Variants in NUP210L observed in about 807,000 individuals in gnomAD.
NUP210L encodes nuclear pore membrane glycoprotein 210-like.
Under a neutral mutation model 208.5 loss-of-function variants are expected in NUP210L, and 74 were observed. That is an observed-to-expected ratio of 0.35 (90% CI 0.29 to 0.43). The LOEUF is 0.43. Among genes scored for constraint, NUP210L ranks in the 20% least tolerant of loss-of-function variants. The pLI is 1.00. For missense variants in NUP210L, 1,843 were observed against 2,289.4 expected, an observed-to-expected ratio of 0.81 and a Z score of 3.98; for synonymous variants, 780 against 816.9, an observed-to-expected ratio of 0.95 and a Z score of 0.77.
exon 34 of NUP210L, chr1:154,012,352 A>C: frequency 6.2e-7 from 1 of 1,613,292 alleles, no homozygotes. Flanking sequence ...ATTAATCTTG[A>C]TGATGCATTG....
intron 33 of NUP210L, among the ~76,000 whole-genome samples, chr1:154,013,880 T>C (rs771775113): frequency 6.6e-6 from 1 of 152,086 alleles, no homozygotes; most frequent in Non-Finnish European, 1.5e-5. Context: ...TTCTCCTGCT[T>C]CAGCCTCCCA....
At chr1:153,993,631 G>A (rs1184901646) in intron 38 of NUP210L, among the ~76,000 whole-genome samples, 6 of 149,016 alleles carry the variant, frequency 4.0e-5, no homozygotes, top group African/African-American at 4.9e-5. Flanking sequence ...TTTTTTTTTA[G>A]GCTGTGTGTG....
At chr1:154,038,014 C>T (rs935345857) in intron 27 of NUP210L, among the ~76,000 whole-genome samples, 3 of 152,142 alleles carry the variant, frequency 2.0e-5, no homozygotes, top group Admixed American at 2.0e-4. Flanking sequence ...TATTCGTTTT[C>T]TGGTTGTTTT....
chr1:154,022,051 CTT>C, intron 32 of NUP210L, 73 bp downstream of exon 32: 2 of 1,185,324 alleles, frequency 1.7e-6, no homozygotes, highest in Non-Finnish European at 2.4e-6. Flanking sequence ...TTAATAACTG[CTT>C]TTTTTTTTAA....
intron 2 of NUP210L, among the ~76,000 whole-genome samples, chr1:154,150,964 T>A (rs1396483612): frequency 3.3e-5 from 5 of 152,100 alleles, no homozygotes; most frequent in Non-Finnish European, 5.9e-5. Context: ...CCACTGGGAA[T>A]CTCATCTATG....
At chr1:154,032,880 T>C (rs146261137) in intron 27 of NUP210L, among the ~76,000 whole-genome samples, 1,717 of 149,944 alleles carry the variant, frequency 0.011, 40 homozygotes, top group African/African-American at 0.04. Context: ...ATCACACCAC[T>C]GCACTCCAGA....
intron 37 of NUP210L, among the ~76,000 whole-genome samples, chr1:153,997,046 C>T (rs1477253609): frequency 6.6e-6 from 1 of 151,944 alleles, no homozygotes; most frequent in African/African-American, 2.4e-5. Context: ...TCACCGCAAC[C>T]TCTGCCTCCC....
intron 16 of NUP210L, among the ~76,000 whole-genome samples, chr1:154,088,893 A>AT (rs1257376654): frequency 2.6e-5 from 4 of 152,082 alleles, no homozygotes; most frequent in African/African-American, 9.7e-5. Context: ...TAACTCATTT[A>AT]TTTTTCATAC....
chr1:154,021,552 AATG>A (rs139852613), intron 32 of NUP210L, among the ~76,000 whole-genome samples: 3,005 of 152,134 alleles, frequency 0.02, 104 homozygotes, highest in African/African-American at 0.068. Context: ...ACCTTATTAC[AATG>A]ATGATATGTT....
chr1:153,995,129 A>G (rs746838066), exon 38 of NUP210L: 32 of 1,614,096 alleles, frequency 2.0e-5, no homozygotes, highest in Non-Finnish European at 2.5e-5. Context: ...CAAGAGCAGG[A>G]TCTGGTAAGA....
At chr1:154,054,239 CAAT>C in exon 25 of NUP210L, 1 of 1,614,148 alleles carries the variant, frequency 6.2e-7, no homozygotes, top group Admixed American at 1.7e-5. Context: ...TGAGAAAACA[CAAT>C]GACTTTGCCA....
At chr1:154,068,477 C>T (rs1452188423) in intron 17 of NUP210L, among the ~76,000 whole-genome samples, 1 of 152,044 alleles carries the variant, frequency 6.6e-6, no homozygotes, top group Non-Finnish European at 1.5e-5. Flanking sequence ...GTCAGGAGAT[C>T]AAGACCATCC....
intron 27 of NUP210L, among the ~76,000 whole-genome samples, chr1:154,036,313 CATGTGTGTGTGTGTGT>C (rs1473885810): frequency 1.7e-4 from 18 of 104,118 alleles, no homozygotes; most frequent in East Asian, 5.5e-4. Flanking sequence ...ACAGTTGGAA[CATGTGTGTGTGTGTGT>C]GTGTGTGTGT....
intron 30 of NUP210L, among the ~76,000 whole-genome samples, chr1:154,025,147 C>G (rs914567841): frequency 1.3e-5 from 2 of 149,836 alleles, no homozygotes; most frequent in Non-Finnish European, 1.5e-5. Flanking sequence ...CCAGGATGGT[C>G]TCGATCTCCT....
At chr1:154,121,791 C>T (rs968366682) in intron 10 of NUP210L, among the ~76,000 whole-genome samples, 21 of 151,508 alleles carry the variant, frequency 1.4e-4, no homozygotes, top group Admixed American at 4.0e-4. Context: ...CACTTGAACC[C>T]GGGAGGCGGA....
At chr1:154,108,105 G>A (rs536686778) in intron 12 of NUP210L, among the ~76,000 whole-genome samples, 2 of 152,108 alleles carry the variant, frequency 1.3e-5, no homozygotes, top group Non-Finnish European at 2.9e-5. Context: ...GATATAAATA[G>A]AAACAACGCA....
chr1:154,122,192 G>A (rs556049441), intron 10 of NUP210L, among the ~76,000 whole-genome samples: 1 of 150,994 alleles, frequency 6.6e-6, no homozygotes, highest in East Asian at 2.0e-4. Flanking sequence ...TAGATAAAAT[G>A]GACAAATTCC....
At chr1:154,019,110 ATAT>A in intron 32 of NUP210L, 41 bp from the exon 33 acceptor site, 1 of 1,608,330 alleles carries the variant, frequency 6.2e-7, no homozygotes, top group Non-Finnish European at 8.5e-7. Context: ...GAAGCCTTTG[ATAT>A]AAATCACTCT....
At chr1:154,120,732 T>A (rs1247136836) in intron 10 of NUP210L, among the ~76,000 whole-genome samples, 1 of 150,812 alleles carries the variant, frequency 6.6e-6, no homozygotes, top group African/African-American at 2.4e-5. Context: ...CGTCTCTACC[T>A]AAAGATACAA....
Sources: allele counts gnomAD v4.1 joint callset (sites outside exome capture counted in the v4.1 genomes callset), GRCh38; gene constraint gnomAD v4.1.1; transcripts MANE v1.5; gene names NCBI Gene and HGNC (gene_info 2026-07-23, HGNC 2026-07-21).